FAM81B: variants seen among roughly 807,000 people sequenced by gnomAD.
The protein encoded by FAM81B is family with sequence similarity 81 member B, also known as protein FAM81B.
A neutral mutation model predicts 58.7 loss-of-function variants in FAM81B; 60 were observed. That is an observed-to-expected ratio of 1.02 (90% CI 0.83 to 1.27). The LOEUF is 1.27. Ranked by LOEUF, FAM81B falls within the 50% of genes most tolerant of loss-of-function variation. The pLI is 0.00. For missense variants in FAM81B, 491 were observed against 522.0 expected, an observed-to-expected ratio of 0.94 and a Z score of 0.58; for synonymous variants, 189 against 179.6, an observed-to-expected ratio of 1.05 and a Z score of -0.42.
chr5:95,445,679 T>C (rs529999770), intron 7 of FAM81B, among the ~76,000 whole-genome samples: 2 of 152,266 alleles, frequency 1.3e-5, no homozygotes, highest in East Asian at 3.9e-4. Flanking sequence ...CAAGGCCTCT[T>C]TAAATGCCCC....
chr5:95,428,061 G>C (rs1282964075), intron 5 of FAM81B, among the ~76,000 whole-genome samples: 1 of 152,200 alleles, frequency 6.6e-6, no homozygotes, highest in Non-Finnish European at 1.5e-5. Context: ...ACCATTCAAG[G>C]AACAGGAGTT....
At position 95,396,167 on chromosome 5, in the gene FAM81B, T is replaced by G; in HGVS notation, c.285T>G (p.Tyr95Ter). The change falls in exon 3 of 10, where the codon TAT becomes TAG. Residue 95 changes from tyrosine (Y) to a stop codon, truncating the protein, a stop_gained. Transcript: ENST00000283357. LOFTEE classifies it high-confidence loss of function. ...AGAATTCTACAGATCTAGTTGAATATGTTGACAAGTAAGTGTGTAAATTAC... is the reference window on the plus strand; with the variant it reads ...AGAATTCTACAGATCTAGTTGAATAGGTTGACAAGTAAGTGTGTAAATTAC... ...STKNSTDLVE[Y>*]VDKSHAFLPI... is the part of the protein sequence containing the mutation. 6.2e-7 allele frequency: 1 copy of G among 1,601,234 alleles called. No individual in the cohort carries two copies. Among genetic ancestry groups the G allele is most frequent in the Admixed American group, 1.8e-5 (1 of 56,828 alleles).
rs1049279869 is a variant in FAM81B, at chr5:95,423,976, A to G, written c.656+3574A>G. On this transcript the variant is annotated intron_variant, in intron 5 of 9. Coordinates refer to ENST00000283357, the MANE Select transcript of FAM81B (RefSeq NM_152548.3). ...AGACAACATGTCCCCTTAGAGATTCAGGTCAGCAACACCAAACAGCCGGGA... is the reference window on the plus strand; with the variant it reads ...AGACAACATGTCCCCTTAGAGATTCGGGTCAGCAACACCAAACAGCCGGGA... 5.5e-6 allele frequency: 7 copies of G among 1,276,318 alleles called. No individual in the cohort carries two copies. The African/African-American group carries it at 1.1e-4, about 19-fold the overall frequency. The allele number at this position is 1,276,318 out of a possible 1,614,324, so 79.1% of individuals were successfully genotyped here.
intron 6 of FAM81B, among the ~76,000 whole-genome samples, 193 bp from the exon 7 acceptor site, chr5:95,436,607 T>C (rs1745111163): frequency 6.6e-6 from 1 of 152,228 alleles, no homozygotes; most frequent in Non-Finnish European, 1.5e-5. Flanking sequence ...TTGAAGATAG[T>C]GTAACTGTAA....
intron 2 of FAM81B, among the ~76,000 whole-genome samples, chr5:95,395,608 G>C (rs1761946378): frequency 1.3e-5 from 2 of 152,142 alleles, no homozygotes; most frequent in Admixed American, 1.3e-4. Context: ...TGCCAGTTAA[G>C]TGTACATATG....
rs374004971 is a variant in FAM81B, at chr5:95,436,912, T to C, written c.893+6T>C. The stretch of plus-strand genomic sequence containing the variant: ...ATGAACCTTTTGGAATTCAAGTAAG[T>C]GAATAGAAGATTTTTAATTCTGTTA... On this transcript the variant is annotated splice_donor_region_variant and intron_variant, in intron 7 of 9. Transcript: ENST00000283357. 4 of 1,601,932 alleles carry C rather than the reference T, an allele frequency of 2.5e-6. No individual in the cohort carries two copies. Among genetic ancestry groups the C allele is most frequent in the Non-Finnish European group, 3.4e-6 (4 of 1,169,012 alleles).
At position 95,393,948 on chromosome 5, in the gene FAM81B, G is replaced by A. The variant is rs1043666830; in HGVS notation, c.228+1051G>A. Among the ~76,000 whole-genome samples the A allele has an allele frequency of 3.9e-5, 6 of 152,196 alleles. No individual in the cohort carries two copies. The South Asian group carries it at 1.2e-3, about 32-fold the overall frequency. On this transcript the variant is annotated intron_variant, in intron 2 of 9. Coordinates refer to ENST00000283357, the MANE Select transcript of FAM81B (RefSeq NM_152548.3). ...TATATAATAACATCCTAGCTTATAG[G>A]AATGAGGATAAAACAGAACTGACTC...
intron 4 of FAM81B, among the ~76,000 whole-genome samples, chr5:95,417,810 C>T (rs1467416028): frequency 1.3e-5 from 2 of 152,168 alleles, no homozygotes. Context: ...TCCACTTTCA[C>T]ATACGGCTCC....
intron 5 of FAM81B, among the ~76,000 whole-genome samples, chr5:95,426,926 G>C (rs1386120542): frequency 6.6e-6 from 1 of 152,198 alleles, no homozygotes; most frequent in African/African-American, 2.4e-5. Context: ...GCGCATGCCT[G>C]TAGTCCTAGC....
At chr5:95,400,371 C>T (rs182513415) in intron 3 of FAM81B, among the ~76,000 whole-genome samples, 1 of 151,938 alleles carries the variant, frequency 6.6e-6, no homozygotes, top group Admixed American at 6.6e-5. Flanking sequence ...ATGGTATCTC[C>T]CTGTGTTTCT....
intron 3 of FAM81B, among the ~76,000 whole-genome samples, chr5:95,404,937 A>G (rs973588080): frequency 6.6e-6 from 1 of 152,200 alleles, no homozygotes; most frequent in Non-Finnish European, 1.5e-5. Context: ...ATGGGAGGAA[A>G]TGAGGTTAGA....
intron 3 of FAM81B, among the ~76,000 whole-genome samples, chr5:95,407,765 C>T (rs35202665): frequency 0.26 from 40,189 of 152,092 alleles, 5,499 homozygotes; most frequent in Middle Eastern, 0.29. Flanking sequence ...ATAATATCTG[C>T]AACATGTATT....
intron 3 of FAM81B, among the ~76,000 whole-genome samples, chr5:95,402,888 T>C (rs1221390460): frequency 1.3e-5 from 2 of 152,166 alleles, no homozygotes; most frequent in African/African-American, 4.8e-5. Flanking sequence ...AAATAGGCCT[T>C]GTTGGCCCTG....
intron 7 of FAM81B, among the ~76,000 whole-genome samples, chr5:95,445,261 T>C (rs942185483): frequency 4.6e-5 from 7 of 152,238 alleles, no homozygotes; most frequent in South Asian, 2.1e-4. Flanking sequence ...GTCTGTACCA[T>C]ACATTGTAAG....
chr5:95,448,648 T>A (rs1459028200), intron 9 of FAM81B, 184 bp downstream of exon 9: 6 of 663,520 alleles, frequency 9.0e-6, no homozygotes, highest in Non-Finnish European at 1.3e-5. Flanking sequence ...ATAAATAAAT[T>A]AACTTTCTTC....
intron 8 of FAM81B, among the ~76,000 whole-genome samples, chr5:95,447,562 G>A (rs1745627563): frequency 6.6e-6 from 1 of 152,166 alleles, no homozygotes; most frequent in South Asian, 2.1e-4. Flanking sequence ...GTAACCGTGG[G>A]GTCATTGTGC....
chr5:95,426,800 G>A (rs1216345935), intron 5 of FAM81B, among the ~76,000 whole-genome samples: 1 of 152,190 alleles, frequency 6.6e-6, no homozygotes, highest in East Asian at 1.9e-4. Flanking sequence ...TGTAATCCCA[G>A]CACTTTGGGA....
intron 3 of FAM81B, among the ~76,000 whole-genome samples, chr5:95,412,389 C>A (rs1306916440): frequency 1.3e-5 from 2 of 152,178 alleles, no homozygotes; most frequent in Non-Finnish European, 2.9e-5. Context: ...TGTGTGTCTT[C>A]TTATCTTACT....
chr5:95,443,754 G>A (rs1745451536), intron 7 of FAM81B, among the ~76,000 whole-genome samples: 1 of 152,170 alleles, frequency 6.6e-6, no homozygotes, highest in African/African-American at 2.4e-5. Flanking sequence ...ACTTCTGGGT[G>A]TTACCAGGAA....
Sources: allele counts gnomAD v4.1 joint callset (sites outside exome capture counted in the v4.1 genomes callset), GRCh38; gene constraint gnomAD v4.1.1; transcripts MANE v1.5; gene names NCBI Gene and HGNC (gene_info 2026-07-23, HGNC 2026-07-21).